CDH11: variants seen among roughly 807,000 people sequenced by gnomAD.
CDH11 encodes the protein cadherin 11.
Under a neutral mutation model 67.8 loss-of-function variants are expected in CDH11, and 11 were observed. The observed-to-expected ratio is 0.16, with a 90% CI of 0.10 to 0.27. The LOEUF is 0.27. Among genes scored for constraint, CDH11 ranks in the 10% least tolerant of loss-of-function variants. The probability of loss-of-function intolerance (pLI) is 1.00; values close to 1 mark genes in which losing one functional copy is unlikely to be tolerated. For missense variants in CDH11, 847 were observed against 1,031.2 expected, an observed-to-expected ratio of 0.82 and a Z score of 2.45; for synonymous variants, 419 against 400.0, an observed-to-expected ratio of 1.05 and a Z score of -0.57.
intron 7 of CDH11, chr16:64,983,149 A>ATTT (rs1460831577): frequency 2.0e-5 from 3 of 152,020 alleles, no homozygotes; most frequent in African/African-American, 7.2e-5. Flanking sequence ...TTTTTTAAAA[A>ATTT]AAAAAAGAAT....
intron 2 of CDH11, among the ~76,000 whole-genome samples, chr16:65,043,711 G>C (rs2073906172): frequency 6.6e-6 from 1 of 152,188 alleles, no homozygotes. Context: ...TTCTACCCAT[G>C]TTGGGATTTC....
intron 11 of CDH11, among the ~76,000 whole-genome samples, chr16:64,959,015 T>C (rs2071598856): frequency 6.6e-6 from 1 of 152,174 alleles, no homozygotes; most frequent in Non-Finnish European, 1.5e-5. Flanking sequence ...AAAGATATGC[T>C]ACAATGATGC....
chr16:65,081,308 C>T (rs1421788697), intron 1 of CDH11, among the ~76,000 whole-genome samples: 3 of 152,152 alleles, frequency 2.0e-5, no homozygotes, highest in African/African-American at 7.2e-5. Context: ...GGGGCTCACG[C>T]CTGTAATCCC....
chr16:65,051,801 G>A (rs1477992521), intron 2 of CDH11, among the ~76,000 whole-genome samples: 8 of 152,226 alleles, frequency 5.3e-5, no homozygotes, highest in Admixed American at 5.2e-4. Flanking sequence ...TGAAGAAGAT[G>A]CTTACCTCTC....
chr16:65,101,598 A>C (rs563007615), intron 1 of CDH11, among the ~76,000 whole-genome samples: 1 of 151,798 alleles, frequency 6.6e-6, no homozygotes, highest in South Asian at 2.1e-4. Context: ...AGGCCCCCCT[A>C]TTATGGTAAA....
chr16:64,945,057 A>G lies in CDH11; in HGVS notation c.*2546T>C, dbSNP rs570054042. On this transcript the variant is annotated 3_prime_UTR_variant, in exon 13 of 13. Transcript: ENST00000268603. ...AATTAATGAATGAATCAATGAATGAATGATGACTAGAAACAATAACCATTA... is the reference window on the plus strand; with the variant it reads ...AATTAATGAATGAATCAATGAATGAGTGATGACTAGAAACAATAACCATTA... 7.8e-5 allele frequency: 16 copies of G among 206,262 alleles called. No homozygotes were observed. Among genetic ancestry groups the G allele is most frequent in the South Asian group, 5.7e-4 (3 of 5,270 alleles). 12.8% of individuals were successfully genotyped at this position (206,262 alleles called of 1,614,324 possible).
At chr16:64,978,539 A>G (rs1567504115) in intron 8 of CDH11, among the ~76,000 whole-genome samples, 1 of 152,234 alleles carries the variant, frequency 6.6e-6, no homozygotes, top group Non-Finnish European at 1.5e-5. Context: ...AACATAGTAC[A>G]AAGTTATGGT....
At chr16:65,109,208 G>A (rs1597206383) in intron 1 of CDH11, among the ~76,000 whole-genome samples, 2 of 152,238 alleles carry the variant, frequency 1.3e-5, no homozygotes, top group Admixed American at 1.3e-4. Context: ...TGATAACTGG[G>A]TTAAATTTGG....
rs1447549843 is a variant in CDH11 at position 64,981,923 on chromosome 16, TTC to T, written c.1253+123_1253+124del. 3.8e-6 allele frequency: 3 copies of T among 787,306 alleles called. No individual in the cohort carries two copies. In the African/African-American group the frequency reaches 5.2e-5, roughly 14 times the overall value. The allele number at this position is 787,306 out of a possible 1,614,324, so 48.8% of individuals were successfully genotyped here. A position where few individuals can be genotyped will look rare whatever the true frequency, so the allele number is the denominator to read the frequency against. On this transcript the variant is annotated intron_variant, in intron 8 of 12. Coordinates refer to ENST00000268603, the MANE Select transcript of CDH11 (RefSeq NM_001797.4). ...CTTCTAAATCTTAATCTTGTTTACA[TTC>T]TATTGAACCTGATAAACTTGAACCC...
intron 1 of CDH11, among the ~76,000 whole-genome samples, chr16:65,087,403 G>C (rs980058513): frequency 6.6e-6 from 1 of 152,110 alleles, no homozygotes; most frequent in African/African-American, 2.4e-5. Context: ...TTTACTTCCT[G>C]GACTAGAACT....
intron 1 of CDH11, among the ~76,000 whole-genome samples, chr16:65,114,874 A>T (rs772526062): frequency 1.8e-4 from 28 of 152,142 alleles, no homozygotes; most frequent in Non-Finnish European, 3.2e-4. Flanking sequence ...GGGCCTGCAA[A>T]AGACAGAAAC....
chr16:65,030,687 C>T (rs1265742515), intron 2 of CDH11, among the ~76,000 whole-genome samples: 1 of 152,190 alleles, frequency 6.6e-6, no homozygotes, highest in Non-Finnish European at 1.5e-5. Flanking sequence ...TCTCCTGGCT[C>T]AGCCTCCTGA....
chr16:65,079,685 C>T (rs940312619), intron 1 of CDH11, among the ~76,000 whole-genome samples: 2 of 152,156 alleles, frequency 1.3e-5, no homozygotes, highest in African/African-American at 2.4e-5. Context: ...GAGTGTGTGC[C>T]CCAGTCACAC....
intron 2 of CDH11, 68 bp downstream of exon 2, chr16:65,053,736 G>C: frequency 2.2e-6 from 1 of 446,624 alleles, no homozygotes; most frequent in Non-Finnish European, 4.6e-6. Context: ...CACAGACCCA[G>C]TGGCATACTT....
intron 8 of CDH11, among the ~76,000 whole-genome samples, chr16:64,975,658 T>C (rs1402267187): frequency 1.3e-5 from 2 of 152,188 alleles, no homozygotes; most frequent in Non-Finnish European, 2.9e-5. Context: ...CTATTGTGAA[T>C]AGTGCTGTGA....
At position 64,971,990 on chromosome 16, in the gene CDH11, C is replaced by G. The variant is rs1375838662; in HGVS notation, c.1465G>C (p.Ala489Pro). 6 of 1,613,780 alleles carry G rather than the reference C, an allele frequency of 3.7e-6. No individual in the cohort carries two copies. In the Admixed American group the frequency reaches 1.0e-4, roughly 27 times the overall value. The part of the protein sequence containing the change: ...LDVNDNAPKF[A>P]APYEGFICES... The stretch of plus-strand genomic sequence containing the variant: ...CAGATGAAACCTTCATAAGGGGCAG[C>G]AAACTTGGGAGCATTATCGTTGACA... The change falls in exon 10 of 13, where the codon GCT becomes CCT. Residue 489 changes from alanine to proline, a missense_variant. By Grantham distance (27) the Ala-to-Pro change is conservative. Transcript: ENST00000268603.
chr16:64,955,767 C>G (rs2071491147), intron 11 of CDH11, among the ~76,000 whole-genome samples: 1 of 152,028 alleles, frequency 6.6e-6, no homozygotes, highest in Admixed American at 6.6e-5. Flanking sequence ...AAAAAAATAG[C>G]TACTATGGTC....
At chr16:65,038,748 G>C (rs1274577745) in intron 2 of CDH11, among the ~76,000 whole-genome samples, 1 of 152,066 alleles carries the variant, frequency 6.6e-6, no homozygotes, top group Non-Finnish European at 1.5e-5. Context: ...TTGGACACTT[G>C]GGAAACAAAA....
At chr16:64,972,435 A>T (rs772527607) in intron 9 of CDH11, among the ~76,000 whole-genome samples, 6 of 152,302 alleles carry the variant, frequency 3.9e-5, no homozygotes, top group Middle Eastern at 3.4e-3. Context: ...TGGAAGCAAA[A>T]ATTCTCAGGC....
Sources: gnomAD v4.1 joint callset for allele counts (sites outside exome capture counted in the v4.1 genomes callset) on GRCh38, gnomAD v4.1.1 for gene constraint, MANE v1.5 for transcripts, NCBI Gene and HGNC (gene_info 2026-07-23, HGNC 2026-07-21) for gene names.